AHCTF1: variants seen among roughly 807,000 people sequenced by gnomAD.
The protein encoded by AHCTF1 is AT-hook containing transcription factor 1.
Under a neutral mutation model 248.4 loss-of-function variants are expected in AHCTF1, and 24 were observed. That is an observed-to-expected ratio of 0.10 (90% CI 0.07 to 0.14). The LOEUF is 0.14. Ranked by LOEUF, AHCTF1 falls within the 10% of genes least tolerant of loss-of-function variation. AHCTF1 has a pLI of 1.00. For missense variants in AHCTF1, 2,206 were observed against 2,636.2 expected, an observed-to-expected ratio of 0.84 and a Z score of 3.57; for synonymous variants, 786 against 929.8, an observed-to-expected ratio of 0.85 and a Z score of 2.81.
chr1:246,869,217 T>C (rs1662364136), intron 24 of AHCTF1, among the ~76,000 whole-genome samples: 1 of 152,076 alleles, frequency 6.6e-6, no homozygotes, highest in South Asian at 2.1e-4. Context: ...GCACCATTTT[T>C]CCAACAGCGT....
In AHCTF1 at chr1:246,900,467, G is replaced by A; in HGVS notation, c.1120C>T (p.Leu374=). ...GDREEGVNEA[L]SPDTSVSVFT... Reference sequence around the variant, plus strand: ...ACTGAAACACTAGTGTCAGGCGATAGAGCTGGAAGAAAAAGATAATTTTTA... The same window carrying A: ...ACTGAAACACTAGTGTCAGGCGATAAAGCTGGAAGAAAAAGATAATTTTTA... The change falls in exon 9 of 36, where the codon CTA becomes TTA. Residue 374 remains leucine, a splice_region_variant and synonymous_variant. Coordinates refer to ENST00000648844, the MANE Select transcript of AHCTF1 (RefSeq NM_001323342.2). 1.3e-6 allele frequency: 2 copies of A among 1,584,948 alleles called. No homozygotes were observed. Among genetic ancestry groups the A allele is most frequent in the South Asian group, 1.2e-5 (1 of 84,402 alleles).
At position 246,892,003 on chromosome 1, in the gene AHCTF1, T is replaced by C. The variant is rs1018342483; in HGVS notation, c.1805-84A>G. The C allele has an allele frequency of 6.6e-6, 9 of 1,355,546 alleles. No individual in the cohort carries two copies. In the African/African-American group the frequency reaches 1.4e-4, roughly 21 times the overall value. 84.0% of individuals were successfully genotyped at this position (1,355,546 alleles called of 1,614,324 possible). A position where few individuals can be genotyped will look rare whatever the true frequency, so the allele number is the denominator to read the frequency against. The stretch of plus-strand genomic sequence containing the variant: ...CACAATGCAAAATTTCTCAAACTCC[T>C]ATCACTCAAAAGAATTATTCTATTC... On this transcript the variant is annotated intron_variant, in intron 14 of 35. Coordinates refer to ENST00000648844, the MANE Select transcript of AHCTF1 (RefSeq NM_001323342.2).
rs565661051 is a variant in AHCTF1 at position 246,885,602 on chromosome 1, T to A, written c.2551A>T (p.Met851Leu). ...WQHSKIIQAF[M>L]SQGEHRQALR... ...GCTTGTCTGTGCTCGCCCTGACTCA[T>A]GAATGCCTGAATAATCTTTGAATGT... The change falls in exon 21 of 36, where the codon ATG (methionine) becomes TTG (leucine). Residue 851 changes from methionine to leucine, a missense_variant. Around this residue, in one of 6 missense-constraint regions of AHCTF1, gnomAD observed 650 missense variants for 870.8 expected, o/e 0.75. Transcript: ENST00000648844. 42 of 1,612,704 alleles carry A rather than the reference T, an allele frequency of 2.6e-5. No individual in the cohort carries two copies. The Middle Eastern group carries it at 6.7e-4, about 26-fold the overall frequency.
At chr1:246,930,293 G>A (rs748423421) in intron 1 of AHCTF1, among the ~76,000 whole-genome samples, 5 of 151,260 alleles carry the variant, frequency 3.3e-5, no homozygotes, top group Non-Finnish European at 7.4e-5. Context: ...CGCGACTAGA[G>A]GCGCCACCAA....
intron 2 of AHCTF1, among the ~76,000 whole-genome samples, chr1:246,917,869 A>C (rs560053448): frequency 1.3e-5 from 2 of 152,310 alleles, no homozygotes; most frequent in South Asian, 4.1e-4. Context: ...TGAAAATTTT[A>C]TAACATCTAG....
chr1:246,911,626 G>T (rs1453004135), intron 4 of AHCTF1, among the ~76,000 whole-genome samples: 1 of 151,678 alleles, frequency 6.6e-6, no homozygotes, highest in East Asian at 2.0e-4. Flanking sequence ...TGGGATTAGA[G>T]GCATGCGCCA....
At chr1:246,930,007 G>C (rs1667227810) in intron 1 of AHCTF1, among the ~76,000 whole-genome samples, 2 of 150,966 alleles carry the variant, frequency 1.3e-5, no homozygotes, top group Non-Finnish European at 2.9e-5. Flanking sequence ...AGCCAAGATT[G>C]TGCCACTGCA....
Position 246,861,940 on chromosome 1 carries a change from C to T in AHCTF1, c.3735+19G>A. On this transcript the variant is annotated intron_variant, in intron 28 of 35. Coordinates refer to ENST00000648844, the MANE Select transcript of AHCTF1 (RefSeq NM_001323342.2). ...TCTTATTAAAAAATGTCTTTTCTCC[C>T]AATTATTATCAAACTTACCCCAGGA... 1 of 1,590,314 alleles carries T rather than the reference C, an allele frequency of 6.3e-7. No individual in the cohort carries two copies. Among genetic ancestry groups the T allele is most frequent in the Non-Finnish European group, 8.6e-7 (1 of 1,166,430 alleles).
chr1:246,926,256 T>C (rs1666911592), intron 1 of AHCTF1, among the ~76,000 whole-genome samples: 1 of 152,158 alleles, frequency 6.6e-6, no homozygotes, highest in Non-Finnish European at 1.5e-5. Flanking sequence ...CAGTTTCACA[T>C]ATTCCTTTAT....
chr1:246,925,605 C>T lies in AHCTF1; in HGVS notation c.-8+5973G>A, dbSNP rs147739591. Among the ~76,000 whole-genome samples, 45 of 152,128 alleles carry T rather than the reference C, an allele frequency of 3.0e-4. 1 individual carries two copies. The highest frequency in any genetic ancestry group is 5.4e-4 in the Non-Finnish European group (37 of 68,000). On this transcript the variant is annotated intron_variant, in intron 1 of 35. Transcript: ENST00000648844. ...ACTGCACTCCAGCCTGGGCAAGATC[C>T]TGTTTCTAAAAATATAAAAAATAAA...
intron 25 of AHCTF1, 146 bp from the exon 26 acceptor site, chr1:246,867,497 AG>A (rs1662069254): frequency 9.2e-7 from 1 of 1,082,870 alleles, no homozygotes; most frequent in South Asian, 1.6e-5. Flanking sequence ...TCACTTTTAA[AG>A]GTTTTTAAAA....
At chr1:246,922,004 T>C (rs1245564382) in intron 1 of AHCTF1, among the ~76,000 whole-genome samples, 2 of 152,216 alleles carry the variant, frequency 1.3e-5, no homozygotes, top group African/African-American at 4.8e-5. Flanking sequence ...AGAGTCTTCT[T>C]ACTGCCTGAG....
chr1:246,860,108 A>G (rs1002113080), intron 29 of AHCTF1, among the ~76,000 whole-genome samples: 2 of 151,736 alleles, frequency 1.3e-5, no homozygotes, highest in Non-Finnish European at 2.9e-5. Flanking sequence ...AAAAATACAA[A>G]AATTAGCCAG....
intron 1 of AHCTF1, among the ~76,000 whole-genome samples, chr1:246,924,515 G>T (rs1558284938): frequency 6.6e-6 from 1 of 151,772 alleles, no homozygotes; most frequent in Non-Finnish European, 1.5e-5. Flanking sequence ...TAAAAATACA[G>T]TACATATTTA....
chr1:246,873,682 A>G (rs1321881863), intron 24 of AHCTF1, among the ~76,000 whole-genome samples: 1 of 152,222 alleles, frequency 6.6e-6, no homozygotes, highest in East Asian at 1.9e-4. Flanking sequence ...CAGCAAAGGG[A>G]AAGAATCTGT....
Position 246,885,643 on chromosome 1 carries a change from T to C in AHCTF1, c.2510A>G (p.Lys837Arg), listed in dbSNP as rs148366852. The C allele has an allele frequency of 1.9e-6, 3 of 1,612,422 alleles. No homozygotes were observed. The highest frequency in any genetic ancestry group is 2.7e-5 in the African/African-American group (2 of 74,750). ...LDLLFHPATA[K>R]PLSWQHSKII... ...CTTTGAATGTTGCCATGACAAAGGT[T>C]TTGCAGTAGCTGGATGAAACAAAAG... The change falls in exon 21 of 36, where the codon AAA becomes AGA. Residue 837 changes from lysine to arginine, a missense_variant. Physicochemically the swap from Lys to Arg is conservative, Grantham distance 26 (BLOSUM62 2). Transcript: ENST00000648844.
At chr1:246,861,545 A>C (rs1223572745) in intron 28 of AHCTF1, among the ~76,000 whole-genome samples, 1 of 152,242 alleles carries the variant, frequency 6.6e-6, no homozygotes, top group Non-Finnish European at 1.5e-5. Flanking sequence ...CTAGATGACC[A>C]ATAATCACTG....
At chr1:246,861,345 AGT>A in intron 28 of AHCTF1, 50 bp from the exon 29 acceptor site, 1 of 1,480,238 alleles carries the variant, frequency 6.8e-7, no homozygotes, top group Non-Finnish European at 9.1e-7. Flanking sequence ...ATCACAGTTA[AGT>A]CTAGTCCTAA....
intron 24 of AHCTF1, among the ~76,000 whole-genome samples, chr1:246,870,235 T>G (rs1032457035): frequency 6.6e-6 from 1 of 152,052 alleles, no homozygotes; most frequent in African/African-American, 2.4e-5. Flanking sequence ...CTTGAGGCCA[T>G]GAGTTTGAGA....
Sources: allele counts gnomAD v4.1 joint callset (sites outside exome capture counted in the v4.1 genomes callset), GRCh38; gene constraint gnomAD v4.1.1; regional missense constraint gnomAD v4.1.1; transcripts MANE v1.5; gene names NCBI Gene and HGNC (gene_info 2026-07-23, HGNC 2026-07-21).